The following TRAF3IP1 variants were observed in gnomAD, a reference collection of about 807,000 sequenced individuals.
TRAF3IP1 encodes intraflagellar transport 54, also known as TRAF3-interacting protein 1.
TRAF3IP1 carries 53 observed loss-of-function variants against 89.9 expected under a neutral mutation model. That is an observed-to-expected ratio of 0.59 (90% CI 0.47 to 0.74). The LOEUF is 0.74. Among genes scored for constraint, TRAF3IP1 ranks in the 30% least tolerant of loss-of-function variants. The probability of loss-of-function intolerance (pLI) is 0.00; values close to 1 mark genes in which losing one functional copy is unlikely to be tolerated. For missense variants in TRAF3IP1, 806 were observed against 866.1 expected (o/e 0.93, Z 0.87); for synonymous variants, 311 against 322.1 (o/e 0.97, Z 0.37).
At chr2:238,332,260 A>G (rs969213576) in intron 5 of TRAF3IP1, among the ~76,000 whole-genome samples, 5 of 152,208 alleles carry the variant, frequency 3.3e-5, no homozygotes, top group Non-Finnish European at 7.3e-5. Context: ...CTACTCTGAG[A>G]TATGTCTTCT....
chr2:238,356,352 C>A (rs966111396), intron 15 of TRAF3IP1, among the ~76,000 whole-genome samples: 1 of 152,066 alleles, frequency 6.6e-6, no homozygotes, highest in Non-Finnish European at 1.5e-5. Flanking sequence ...CAAAAATTAC[C>A]CGGGTGTGGT....
chr2:238,370,332 A>AT (rs1700056846), intron 15 of TRAF3IP1, among the ~76,000 whole-genome samples: 1 of 151,620 alleles, frequency 6.6e-6, no homozygotes, highest in African/African-American at 2.4e-5. Flanking sequence ...ATGTCTGTGT[A>AT]TGCGTATGTG....
At chr2:238,397,396 C>A in intron 15 of TRAF3IP1, 63 bp from the exon 16 acceptor site, 1 of 1,481,712 alleles carries the variant, frequency 6.7e-7, no homozygotes, top group Non-Finnish European at 9.4e-7. Flanking sequence ...CTGAGTGCAC[C>A]GGCCCTGTTC....
At chr2:238,359,968 A>G (rs567220756) in intron 15 of TRAF3IP1, among the ~76,000 whole-genome samples, 1 of 152,348 alleles carries the variant, frequency 6.6e-6, no homozygotes, top group Non-Finnish European at 1.5e-5. Flanking sequence ...CCATTGTTAA[A>G]TAAAATAAGG....
intron 15 of TRAF3IP1, among the ~76,000 whole-genome samples, chr2:238,394,749 A>G (rs1701136923): frequency 1.3e-5 from 2 of 152,176 alleles, no homozygotes; most frequent in Non-Finnish European, 2.9e-5. Context: ...GCTTTCTTGT[A>G]CTTGTCCAAG....
chr2:238,331,757 C>T (rs1698137048), intron 5 of TRAF3IP1, among the ~76,000 whole-genome samples: 1 of 152,142 alleles, frequency 6.6e-6, no homozygotes, highest in Admixed American at 6.5e-5. Context: ...AAGCGCCAGG[C>T]AGGTGTGAGC....
chr2:238,367,629 G>A (rs1267197650), intron 15 of TRAF3IP1, among the ~76,000 whole-genome samples: 5 of 152,154 alleles, frequency 3.3e-5, no homozygotes, highest in African/African-American at 1.2e-4. Flanking sequence ...GAGAGACCGC[G>A]GTGGGACCGA....
intron 7 of TRAF3IP1, among the ~76,000 whole-genome samples, chr2:238,337,127 G>C (rs894075737): frequency 6.6e-6 from 1 of 152,112 alleles, no homozygotes; most frequent in Admixed American, 6.6e-5. Flanking sequence ...GGCTTAAATT[G>C]TCCATTTGAG....
intron 15 of TRAF3IP1, among the ~76,000 whole-genome samples, chr2:238,383,660 A>G (rs912193568): frequency 5.3e-5 from 8 of 152,300 alleles, no homozygotes; most frequent in African/African-American, 1.2e-4. Context: ...TAGATTGTCA[A>G]CATCTTTCTG....
intron 15 of TRAF3IP1, among the ~76,000 whole-genome samples, chr2:238,375,181 T>G (rs948632078): frequency 6.6e-6 from 1 of 152,182 alleles, no homozygotes; most frequent in Non-Finnish European, 1.5e-5. Flanking sequence ...GCTTTTGAAT[T>G]TGTTTGCTCT....
At chr2:238,347,708 A>G (rs1004054458) in intron 10 of TRAF3IP1, among the ~76,000 whole-genome samples, 2 of 152,160 alleles carry the variant, frequency 1.3e-5, no homozygotes, top group Admixed American at 1.3e-4. Flanking sequence ...GTTCACCGCA[A>G]CCTCTGCCTC....
intron 15 of TRAF3IP1, among the ~76,000 whole-genome samples, chr2:238,362,377 A>G (rs1699699278): frequency 6.6e-6 from 1 of 152,180 alleles, no homozygotes; most frequent in Non-Finnish European, 1.5e-5. Flanking sequence ...AAAGAAAGCT[A>G]AAACATTAGT....
intron 14 of TRAF3IP1, 100 bp downstream of exon 14, chr2:238,353,309 T>C: frequency 7.5e-7 from 1 of 1,338,778 alleles, no homozygotes; most frequent in South Asian, 1.3e-5. Context: ...GACTGTTGTG[T>C]GCCAGGTTCT....
At chr2:238,336,714 A>G (rs1186328604) in intron 7 of TRAF3IP1, among the ~76,000 whole-genome samples, 1 of 152,220 alleles carries the variant, frequency 6.6e-6, no homozygotes, top group African/African-American at 2.4e-5. Context: ...TTACAGATTA[A>G]GTTTAATATA....
chr2:238,396,529 TAATA>T (rs1701231063), intron 15 of TRAF3IP1, among the ~76,000 whole-genome samples: 1 of 148,810 alleles, frequency 6.7e-6, no homozygotes, highest in African/African-American at 2.5e-5. Context: ...TAAAGTATAA[TAATA>T]ATAAAAAAAT....
chr2:238,364,113 C>CAT (rs1699774910), intron 15 of TRAF3IP1, among the ~76,000 whole-genome samples: 1 of 152,170 alleles, frequency 6.6e-6, no homozygotes, highest in Admixed American at 6.5e-5. Context: ...GTGCTTTTCA[C>CAT]ATAAATTGTG....
chr2:238,387,296 G>C (rs998928299), intron 15 of TRAF3IP1, among the ~76,000 whole-genome samples: 1 of 152,164 alleles, frequency 6.6e-6, no homozygotes, highest in African/African-American at 2.4e-5. Flanking sequence ...AATGAGCAGC[G>C]GTCTGTTATT....
chr2:238,361,105 G>A (rs1423660819), intron 15 of TRAF3IP1, among the ~76,000 whole-genome samples: 3 of 150,982 alleles, frequency 2.0e-5, no homozygotes, highest in Non-Finnish European at 4.4e-5. Flanking sequence ...GAGTGCAGTG[G>A]TCTGAATCTC....
chr2:238,334,038 A>G lies in TRAF3IP1; in HGVS notation c.1063+3A>G. 1.2e-6 allele frequency: 2 copies of G among 1,605,974 alleles called. No homozygotes were observed. The highest frequency in any genetic ancestry group is 1.7e-6 in the Non-Finnish European group (2 of 1,175,334). ...GCGATCCAAAAATTCAGTGGAAGGT[A>G]CTGCAAAACTTATATATGTAGCTGA... On this transcript the variant is annotated splice_donor_region_variant and intron_variant, in intron 7 of 16. Transcript: ENST00000373327.
Sources: gnomAD v4.1 joint callset for allele counts (sites outside exome capture counted in the v4.1 genomes callset) on GRCh38, gnomAD v4.1.1 for gene constraint, MANE v1.5 for transcripts, NCBI Gene and HGNC (gene_info 2026-07-23, HGNC 2026-07-21) for gene names.